Variants in SCARB1 observed in about 807,000 individuals in gnomAD.
The protein encoded by SCARB1 is scavenger receptor class B member 1.
A neutral mutation model predicts 57.2 loss-of-function variants in SCARB1; 30 were observed. The observed-to-expected ratio is 0.52, with a 90% CI of 0.39 to 0.71. The LOEUF is 0.71. SCARB1 is among the 30% of genes least tolerant of loss of function. The pLI is 0.00. For synonymous variants in SCARB1, 249 were observed against 268.3 expected, an observed-to-expected ratio of 0.93 and a Z score of 0.70; for missense variants, 543 against 671.2, an observed-to-expected ratio of 0.81 and a Z score of 2.11.
intron 2 of SCARB1, 42 bp from the exon 3 acceptor site, chr12:124,815,156 A>C: frequency 6.2e-7 from 1 of 1,607,492 alleles, no homozygotes; most frequent in Non-Finnish European, 8.5e-7. Context: ...GCCCCGCTGC[A>C]TGGGACGTTT....
chr12:124,780,181 T>C (rs1873173089), intron 12 of SCARB1, among the ~76,000 whole-genome samples: 1 of 151,880 alleles, frequency 6.6e-6, no homozygotes, highest in African/African-American at 2.4e-5. Context: ...GAAAGATCGG[T>C]GAGAAGCTAA....
At chr12:124,808,058 A>C in intron 6 of SCARB1, 131 bp from the exon 7 acceptor site, 1 of 836,654 alleles carries the variant, frequency 1.2e-6, no homozygotes, top group South Asian at 1.4e-5. Context: ...AACCGCCCCC[A>C]TCTCTCACCC....
chr12:124,826,591 C>T (rs1215302789), intron 1 of SCARB1, among the ~76,000 whole-genome samples: 1 of 152,066 alleles, frequency 6.6e-6, no homozygotes, highest in Non-Finnish European at 1.5e-5. Context: ...CTACAAGGCA[C>T]ATACCACCAC....
Position 124,800,285 on chromosome 12 carries a change from A to G in SCARB1, c.1010-43T>C. On this transcript the variant is annotated intron_variant, in intron 7 of 12. Transcript: ENST00000261693. The surrounding 1 kb of genome is among the most constrained non-coding windows in gnomAD (Gnocchi z 4.8). ...AGGGGACATCAGACAAGGACAGTAT[A>G]TTGGCAGGTCCTGCCAGGCCGGAGG... 6.8e-7 allele frequency: 1 copy of G among 1,475,064 alleles called. No homozygotes were observed. The highest frequency in any genetic ancestry group is 2.3e-5 in the East Asian group (1 of 44,012). The allele number at this position is 1,475,064 out of a possible 1,614,324, so 91.4% of individuals were successfully genotyped here.
intron 7 of SCARB1, among the ~76,000 whole-genome samples, chr12:124,805,360 T>C (rs1300364323): frequency 1.3e-5 from 2 of 152,036 alleles, no homozygotes; most frequent in African/African-American, 4.8e-5. Flanking sequence ...TGGTATACTT[T>C]AGAAAAAGGG....
At chr12:124,839,625 C>A (rs1951831647) in intron 1 of SCARB1, 1 of 985,244 alleles carries the variant, frequency 1.0e-6, no homozygotes, top group Non-Finnish European at 1.2e-6. Context: ...CTCCACACAG[C>A]AGCTGCACCA....
chr12:124,793,165 T>C (rs981247494), intron 9 of SCARB1, among the ~76,000 whole-genome samples: 2 of 152,192 alleles, frequency 1.3e-5, no homozygotes, highest in African/African-American at 4.8e-5. Context: ...CAAAGTGTTA[T>C]TCTTTCCAGC....
At position 124,812,112 on chromosome 12, in the gene SCARB1, T is replaced by TG; in HGVS notation, c.631-148dup. 1.4e-6 allele frequency: 1 copy of TG among 707,388 alleles called. No individual in the cohort carries two copies. Among genetic ancestry groups the TG allele is most frequent in the Non-Finnish European group, 2.6e-6 (1 of 388,452 alleles). 43.8% of individuals were successfully genotyped at this position (707,388 alleles called of 1,614,324 possible). A position where few individuals can be genotyped will look rare whatever the true frequency, so the allele number is the denominator to read the frequency against. On this transcript the variant is annotated intron_variant, in intron 4 of 12. Coordinates refer to ENST00000261693, the MANE Select transcript of SCARB1 (RefSeq NM_005505.5). The surrounding 1 kb of genome is among the most constrained non-coding windows in gnomAD (Gnocchi z 4.3). ...GGTTCACTGCCAAATGCCCAGTGTC[T>TG]GGGGACCGAGAGGAGGCTTGGGAGC... is the stretch of plus-strand genomic sequence containing the variant.
chr12:124,849,774 G>A (rs1254247132), intron 1 of SCARB1, among the ~76,000 whole-genome samples: 1 of 152,246 alleles, frequency 6.6e-6, no homozygotes, highest in Non-Finnish European at 1.5e-5. Context: ...CCCCGTTAGA[G>A]CAATTAGGCC....
At chr12:124,816,704 G>A (rs1458976630) in intron 2 of SCARB1, among the ~76,000 whole-genome samples, 3 of 152,038 alleles carry the variant, frequency 2.0e-5, no homozygotes, top group Non-Finnish European at 2.9e-5. Context: ...CTGTGAAAAC[G>A]CCAGGAGGTA....
At chr12:124,801,537 C>T (rs1950130506) in intron 7 of SCARB1, among the ~76,000 whole-genome samples, 1 of 152,236 alleles carries the variant, frequency 6.6e-6, no homozygotes, top group South Asian at 2.1e-4. Context: ...AATCCCAACT[C>T]TTTGGGAGGC....
Position 124,810,373 on chromosome 12 carries a change from C to T in SCARB1, c.727-84G>A. ...TCTCAGGTGCTGCACACCTAACTCA[C>T]CCTGGTGCACGCACGGCCACTCAAT... is the stretch of plus-strand genomic sequence containing the variant. On this transcript the variant is annotated intron_variant, in intron 5 of 12. Coordinates refer to ENST00000261693, the MANE Select transcript of SCARB1 (RefSeq NM_005505.5). The surrounding 1 kb of genome is among the most constrained non-coding windows in gnomAD (Gnocchi z 4.0). 1 of 922,994 alleles carries T rather than the reference C, an allele frequency of 1.1e-6. No individual in the cohort carries two copies. The allele number at this position is 922,994 out of a possible 1,614,324, so 57.2% of individuals were successfully genotyped here.
Position 124,800,817 on chromosome 12 carries a change from GACCA to G in SCARB1, c.1010-579_1010-576del. On this transcript the variant is annotated intron_variant, in intron 7 of 12. Transcript: ENST00000261693. This position sits in a 1 kb window ranked among gnomAD's most constrained non-coding sequence, Gnocchi z 4.8. ...CAAATGTGAGCTCAACCTCGCCACT[GACCA>G]ACCAAACCAGGCAAACACCAGCTCA... Among the ~76,000 whole-genome samples, 1 of 152,250 alleles carries G rather than the reference GACCA, an allele frequency of 6.6e-6. No individual in the cohort carries two copies. Among genetic ancestry groups the G allele is most frequent in the East Asian group, 1.9e-4 (1 of 5,174 alleles).
At chr12:124,831,100 C>A (rs147637458) in intron 1 of SCARB1, among the ~76,000 whole-genome samples, 2 of 152,104 alleles carry the variant, frequency 1.3e-5, no homozygotes, top group Non-Finnish European at 2.9e-5. Flanking sequence ...CTCAGCCCCC[C>A]AAGTAGCTGG....
At chr12:124,808,043 G>T in intron 6 of SCARB1, 116 bp from the exon 7 acceptor site, 1 of 989,952 alleles carries the variant, frequency 1.0e-6, no homozygotes, top group South Asian at 1.3e-5. Flanking sequence ...CACCTCCCGG[G>T]TCCAAACCGC....
At chr12:124,828,549 T>C (rs1951260560) in intron 1 of SCARB1, among the ~76,000 whole-genome samples, 2 of 152,162 alleles carry the variant, frequency 1.3e-5, no homozygotes, top group South Asian at 4.1e-4. Context: ...CCTGTTCAGG[T>C]AGCGAAACAC....
chr12:124,809,095 C>T (rs1032713118), intron 6 of SCARB1, among the ~76,000 whole-genome samples: 35 of 152,200 alleles, frequency 2.3e-4, no homozygotes, highest in African/African-American at 8.2e-4. Context: ...AAAATGTCCT[C>T]GTTTCTGAAA....
chr12:124,779,637 CTTAAAAA>C (rs1873043493), intron 12 of SCARB1, among the ~76,000 whole-genome samples: 1 of 152,194 alleles, frequency 6.6e-6, no homozygotes, highest in Non-Finnish European at 1.5e-5. Context: ...AATTTCTCAA[CTTAAAAA>C]TTAAAAATAC....
At position 124,778,246 on chromosome 12, in the gene SCARB1, C is replaced by G. The variant is rs746118524; in HGVS notation, c.*341G>C. On this transcript the variant is annotated 3_prime_UTR_variant, in exon 13 of 13. Transcript: ENST00000261693. ...CAACGGCTGAACGGGACAGGCCAGG[C>G]TCACCCGAGGAAGGGGACGCAGGAC... 38 of 405,440 alleles carry G rather than the reference C, an allele frequency of 9.4e-5. No individual in the cohort carries two copies. The highest frequency in any genetic ancestry group is 1.4e-4 in the Non-Finnish European group (34 of 235,140). The allele number at this position is 405,440 out of a possible 1,614,324, so 25.1% of individuals were successfully genotyped here. A position where few individuals can be genotyped will look rare whatever the true frequency, so the allele number is the denominator to read the frequency against.
Sources: allele counts gnomAD v4.1 joint callset (sites outside exome capture counted in the v4.1 genomes callset), GRCh38; gene constraint gnomAD v4.1.1; non-coding constraint Gnocchi (gnomAD v3.1); transcripts MANE v1.5; gene names NCBI Gene and HGNC (gene_info 2026-07-23, HGNC 2026-07-21).